Variants in PARD3B observed in about 807,000 individuals in gnomAD.
PARD3B encodes par-3 family cell polarity regulator beta.
PARD3B carries 103 observed loss-of-function variants against 130.2 expected under a neutral mutation model. The observed-to-expected ratio is 0.79, with a 90% CI of 0.67 to 0.93. PARD3B has a LOEUF of 0.93. Ranked by LOEUF, PARD3B falls within the 40% of genes least tolerant of loss-of-function variation. The pLI, the probability that PARD3B is intolerant of heterozygous loss-of-function variation, is 0.00. For synonymous variants in PARD3B, 583 were observed against 553.2 expected, an observed-to-expected ratio of 1.05 and a Z score of -0.76; for missense variants, 1,609 against 1,499.2, an observed-to-expected ratio of 1.07 and a Z score of -1.21.
In PARD3B at chr2:204,958,577, A is replaced by T. The variant is rs924552276; in HGVS notation, c.223-6575A>T. ...CCTGTGATGAAGAGATTAAAGAGAA[A>T]CAACAAAGTGAAAGCAAAATACGGA... On this transcript the variant is annotated intron_variant, in intron 2 of 22. Transcript: ENST00000406610. Among the ~76,000 whole-genome samples the T allele has an allele frequency of 2.0e-5, 3 of 152,236 alleles. No individual in the cohort carries two copies. The East Asian group carries it at 5.8e-4, about 29-fold the overall frequency.
intron 2 of PARD3B, among the ~76,000 whole-genome samples, chr2:204,832,545 G>C (rs1014799595): frequency 2.0e-5 from 3 of 152,170 alleles, no homozygotes; most frequent in African/African-American, 7.2e-5. Flanking sequence ...AAAGCAAAAG[G>C]GTGTGGCAAA....
chr2:205,199,461 G>A (rs951626308), intron 15 of PARD3B, among the ~76,000 whole-genome samples: 25 of 151,924 alleles, frequency 1.6e-4, no homozygotes, highest in African/African-American at 6.0e-4. Flanking sequence ...TACTGTGTGT[G>A]TATATACACA....
At chr2:204,863,204 T>C (rs1343721920) in intron 2 of PARD3B, among the ~76,000 whole-genome samples, 1 of 152,208 alleles carries the variant, frequency 6.6e-6, no homozygotes, top group Non-Finnish European at 1.5e-5. Flanking sequence ...CACTGTGGGA[T>C]GAGACACATG....
At chr2:205,217,437 G>A (rs1332682965) in intron 15 of PARD3B, among the ~76,000 whole-genome samples, 1 of 152,140 alleles carries the variant, frequency 6.6e-6, no homozygotes, top group African/African-American at 2.4e-5. Flanking sequence ...CACTGCCAAA[G>A]TCAAGCTTGG....
chr2:205,437,922 A>G (rs2047573710), intron 19 of PARD3B, among the ~76,000 whole-genome samples: 1 of 152,138 alleles, frequency 6.6e-6, no homozygotes, highest in Non-Finnish European at 1.5e-5. Context: ...ATAAACAAGT[A>G]AAATTCTCAA....
chr2:204,864,393 C>T (rs1157250602), intron 2 of PARD3B, among the ~76,000 whole-genome samples: 3 of 152,158 alleles, frequency 2.0e-5, no homozygotes, highest in African/African-American at 4.8e-5. Flanking sequence ...GAAGCACAAC[C>T]TCCTTTTGAC....
chr2:205,158,836 A>G lies in PARD3B; in HGVS notation c.1549A>G (p.Lys517Glu), dbSNP rs748453265. ...AGLGVSLKGN[K>E]SRETGTDLGI... ...CCTCGGGGTGAGCTTAAAAGGGAAC[A>G]AATCCAGAGAAACTGGAACAGACTT... The change falls in exon 11 of 23, where the codon AAA becomes GAA. Residue 517 changes from lysine (K) to glutamate (E), a missense_variant. By Grantham distance (56) the Lys-to-Glu change is moderately conservative. Coordinates refer to ENST00000406610, the MANE Select transcript of PARD3B (RefSeq NM_001302769.2). This position sits in a 1 kb window ranked among gnomAD's most constrained non-coding sequence, Gnocchi z 5.4. The G allele has an allele frequency of 2.0e-5, 32 of 1,614,036 alleles. No homozygotes were observed. The Middle Eastern group carries it at 4.9e-4, about 25-fold the overall frequency.
At chr2:205,129,331 A>G (rs1450461213) in intron 10 of PARD3B, among the ~76,000 whole-genome samples, 1 of 152,218 alleles carries the variant, frequency 6.6e-6, no homozygotes, top group Non-Finnish European at 1.5e-5. Flanking sequence ...AGGAAGTTTA[A>G]AAAGAGGTGA....
chr2:204,792,991 A>G (rs542936704), intron 2 of PARD3B, among the ~76,000 whole-genome samples: 3 of 151,956 alleles, frequency 2.0e-5, no homozygotes, highest in East Asian at 1.9e-4. Context: ...ACATTCTTTT[A>G]GATTTCTTTA....
intron 21 of PARD3B, among the ~76,000 whole-genome samples, chr2:205,522,562 A>AAAT (rs1257783317): frequency 6.9e-6 from 1 of 145,452 alleles, no homozygotes; most frequent in East Asian, 2.1e-4. Flanking sequence ...ATTCTCTAAT[A>AAAT]AATACTTACT....
chr2:205,012,996 A>G (rs955417056), intron 3 of PARD3B, among the ~76,000 whole-genome samples: 20 of 152,372 alleles, frequency 1.3e-4, no homozygotes, highest in East Asian at 1.2e-3. Flanking sequence ...AGATATGTTT[A>G]AAGTTTTCAT....
At chr2:204,601,530 C>T (rs958489576) in intron 1 of PARD3B, among the ~76,000 whole-genome samples, 6 of 151,874 alleles carry the variant, frequency 4.0e-5, no homozygotes, top group Non-Finnish European at 5.9e-5. Context: ...TTTTTATATG[C>T]AAATGATATT....
chr2:204,654,997 G>T (rs2035596354), intron 1 of PARD3B, among the ~76,000 whole-genome samples: 1 of 152,108 alleles, frequency 6.6e-6, no homozygotes, highest in Admixed American at 6.5e-5. Context: ...AGCTCCAAGG[G>T]AGCAACACTT....
Position 205,146,599 on chromosome 2 carries a change from C to T in PARD3B, c.1435-12123C>T, listed in dbSNP as rs866054635. Among the ~76,000 whole-genome samples, 16 of 151,266 alleles carry T rather than the reference C, an allele frequency of 1.1e-4. No individual in the cohort carries two copies. The highest frequency in any genetic ancestry group is 2.1e-4 in the Non-Finnish European group (14 of 67,820). Reference sequence around the variant, plus strand: ...CCGGGAGGCGGAGCTTGCAGTGAGCCGAGATAGCGCCACTGCACTCCAGCC... The same window carrying T: ...CCGGGAGGCGGAGCTTGCAGTGAGCTGAGATAGCGCCACTGCACTCCAGCC... On this transcript the variant is annotated intron_variant, in intron 10 of 22. Transcript: ENST00000406610. This position sits in a 1 kb window ranked among gnomAD's most constrained non-coding sequence, Gnocchi z 4.3.
intron 1 of PARD3B, among the ~76,000 whole-genome samples, chr2:204,587,994 G>T (rs1232696001): frequency 6.6e-6 from 1 of 152,156 alleles, no homozygotes; most frequent in Non-Finnish European, 1.5e-5. Flanking sequence ...ATTTATAAAT[G>T]ACCCAGTCTT....
intron 1 of PARD3B, among the ~76,000 whole-genome samples, chr2:204,655,854 T>C (rs1372942918): frequency 6.6e-6 from 1 of 152,178 alleles, no homozygotes; most frequent in East Asian, 1.9e-4. Context: ...CTGTGTTTAC[T>C]CATTTGTCCA....
Position 205,589,056 on chromosome 2 carries a change from G to A in PARD3B, c.3261-26400G>A, listed in dbSNP as rs2054293632. Among the ~76,000 whole-genome samples, 1 of 152,236 alleles carries A rather than the reference G, an allele frequency of 6.6e-6. No individual in the cohort carries two copies. Among genetic ancestry groups the A allele is most frequent in the South Asian group, 2.1e-4 (1 of 4,832 alleles). ...TAATCCCAGCACACCAGGAGGCTGAGGCAGGTGGATCCTTTGAATCCAGGA... is the reference window on the plus strand; with the variant it reads ...TAATCCCAGCACACCAGGAGGCTGAAGCAGGTGGATCCTTTGAATCCAGGA... On this transcript the variant is annotated intron_variant, in intron 22 of 22. Coordinates refer to ENST00000406610, the MANE Select transcript of PARD3B (RefSeq NM_001302769.2). The surrounding 1 kb of genome is among the most constrained non-coding windows in gnomAD (Gnocchi z 4.1).
intron 18 of PARD3B, among the ~76,000 whole-genome samples, chr2:205,398,215 C>T (rs1376563402): frequency 9.2e-5 from 14 of 152,180 alleles, no homozygotes; most frequent in African/African-American, 2.2e-4. Flanking sequence ...GCAGGAGAAT[C>T]GCTTGAACCC....
chr2:204,663,673 T>C (rs1416672431), intron 1 of PARD3B, among the ~76,000 whole-genome samples: 2 of 152,222 alleles, frequency 1.3e-5, no homozygotes, highest in African/African-American at 4.8e-5. Flanking sequence ...TTGAGCCTTA[T>C]TTTTCTTGTC....
Sources: gnomAD v4.1 joint callset for allele counts (sites outside exome capture counted in the v4.1 genomes callset) on GRCh38, gnomAD v4.1.1 for gene constraint, Gnocchi (gnomAD v3.1) non-coding constraint, MANE v1.5 for transcripts, NCBI Gene and HGNC (gene_info 2026-07-23, HGNC 2026-07-21) for gene names.